The following TNKS variants were observed in gnomAD, a reference collection of about 807,000 sequenced individuals.
TNKS encodes poly [ADP-ribose] polymerase tankyrase-1.
Under a neutral mutation model 135.8 loss-of-function variants are expected in TNKS, and 72 were observed. The observed-to-expected ratio is 0.53, with a 90% CI of 0.44 to 0.64. TNKS has a LOEUF of 0.64. Ranked by LOEUF, TNKS falls within the 30% of genes least tolerant of loss-of-function variation. The probability of loss-of-function intolerance (pLI) is 0.00; values close to 1 mark genes in which losing one functional copy is unlikely to be tolerated. For synonymous variants in TNKS, 849 were observed against 649.3 expected, an observed-to-expected ratio of 1.31 and a Z score of -4.68; for missense variants, 1,769 against 1,674.0, an observed-to-expected ratio of 1.06 and a Z score of -0.99.
chr8:9,656,401 T>C (rs2128784179), intron 3 of TNKS, among the ~76,000 whole-genome samples: 1 of 152,132 alleles, frequency 6.6e-6, no homozygotes, highest in South Asian at 2.1e-4. Flanking sequence ...TCCACAAAGA[T>C]ACTCCTCGAG....
chr8:9,675,930 C>G (rs1802512698), intron 3 of TNKS, among the ~76,000 whole-genome samples: 1 of 151,736 alleles, frequency 6.6e-6, no homozygotes, highest in Non-Finnish European at 1.5e-5. Context: ...AATGACATTC[C>G]TCTACTTTTA....
chr8:9,698,232 A>G (rs1045643136), intron 5 of TNKS, among the ~76,000 whole-genome samples: 54 of 152,284 alleles, frequency 3.5e-4, no homozygotes, highest in Admixed American at 9.2e-4. Flanking sequence ...TGGGAACAGT[A>G]GACATTGCAG....
At chr8:9,639,970 T>TA (rs1299112075) in intron 3 of TNKS, among the ~76,000 whole-genome samples, 1 of 152,222 alleles carries the variant, frequency 6.6e-6, no homozygotes, top group Non-Finnish European at 1.5e-5. Flanking sequence ...CAACGAAGGA[T>TA]AATTGTAGAA....
intron 2 of TNKS, among the ~76,000 whole-genome samples, chr8:9,583,282 TTGA>T (rs1798240657): frequency 6.6e-6 from 1 of 152,056 alleles, no homozygotes; most frequent in African/African-American, 2.4e-5. Flanking sequence ...AAAAATCAAC[TTGA>T]AATGCTTGTA....
chr8:9,609,579 A>G (rs1425157238), intron 2 of TNKS, among the ~76,000 whole-genome samples: 2 of 152,206 alleles, frequency 1.3e-5, no homozygotes, highest in East Asian at 1.9e-4. Flanking sequence ...CTTCAGAACA[A>G]TGACAGCTTC....
chr8:9,643,472 G>T (rs1800796008), intron 3 of TNKS, among the ~76,000 whole-genome samples: 1 of 151,712 alleles, frequency 6.6e-6, no homozygotes, highest in Non-Finnish European at 1.5e-5. Flanking sequence ...TGAGGGTGGA[G>T]CCCTCAGGAC....
intron 26 of TNKS, among the ~76,000 whole-genome samples, chr8:9,771,314 GA>G: frequency 2.3e-5 from 3 of 131,426 alleles, no homozygotes; most frequent in African/African-American, 9.3e-5. Flanking sequence ...AAGGAAGGAA[GA>G]GAGAAGAAAG....
chr8:9,663,776 G>C (rs1302933079), intron 3 of TNKS, among the ~76,000 whole-genome samples: 1 of 152,178 alleles, frequency 6.6e-6, no homozygotes, highest in Non-Finnish European at 1.5e-5. Flanking sequence ...CAGATGAATG[G>C]CCAGATGAGG....
At chr8:9,762,021 T>C (rs1461825526) in intron 21 of TNKS, among the ~76,000 whole-genome samples, 1 of 152,262 alleles carries the variant, frequency 6.6e-6, no homozygotes, top group Non-Finnish European at 1.5e-5. Flanking sequence ...CTTTTCAAAA[T>C]GATTATATGA....
chr8:9,762,836 C>T (rs1227934343), intron 21 of TNKS, among the ~76,000 whole-genome samples: 2 of 149,944 alleles, frequency 1.3e-5, no homozygotes, highest in Admixed American at 1.3e-4. Context: ...ACCCGGGAGG[C>T]GGAGCTTGCA....
chr8:9,684,176 T>C (rs1802895132), intron 5 of TNKS, among the ~76,000 whole-genome samples: 1 of 151,968 alleles, frequency 6.6e-6, no homozygotes, highest in South Asian at 2.1e-4. Context: ...AACCTGAAAA[T>C]AGGTTGTTGC....
intron 2 of TNKS, among the ~76,000 whole-genome samples, chr8:9,594,705 T>A (rs35178076): frequency 3.3e-4 from 51 of 152,360 alleles, no homozygotes; most frequent in Non-Finnish European, 4.7e-4. Flanking sequence ...CATCATTTTT[T>A]AAAATCAGTC....
At chr8:9,736,185 T>A (rs187179369) in intron 17 of TNKS, among the ~76,000 whole-genome samples, 81 of 151,418 alleles carry the variant, frequency 5.3e-4, no homozygotes, top group Non-Finnish European at 8.7e-4. Context: ...TATACAGGCA[T>A]GGAAAGTATG....
intron 5 of TNKS, among the ~76,000 whole-genome samples, chr8:9,684,177 AG>A (rs548298368): frequency 7.9e-5 from 12 of 152,024 alleles, no homozygotes; most frequent in Middle Eastern, 3.2e-3. Context: ...ACCTGAAAAT[AG>A]GTTGTTGCCT....
intron 2 of TNKS, among the ~76,000 whole-genome samples, chr8:9,601,486 C>G (rs1799014238): frequency 6.6e-6 from 1 of 152,152 alleles, no homozygotes; most frequent in Non-Finnish European, 1.5e-5. Context: ...CTGAGCCAAG[C>G]TGGACCAAAT....
At chr8:9,630,926 T>A (rs28408695) in intron 3 of TNKS, among the ~76,000 whole-genome samples, 1,745 of 152,356 alleles carry the variant, frequency 0.011, 26 homozygotes, top group African/African-American at 0.04. Flanking sequence ...ATATCTAATG[T>A]AAAGCCTCCT....
In TNKS at chr8:9,556,243, G is replaced by T; in HGVS notation, c.304G>T (p.Ala102Ser). 1 of 1,614,202 alleles carries T rather than the reference G, an allele frequency of 6.2e-7. No homozygotes were observed. The highest frequency in any genetic ancestry group is 8.5e-7 in the Non-Finnish European group (1 of 1,180,034). The change falls in exon 1 of 27, where the codon GCT (alanine) becomes TCT (serine). Residue 102 changes from alanine to serine, a missense_variant. By Grantham distance (99) the Ala-to-Ser change is moderately conservative (BLOSUM62 1). Around this residue, in one of 5 missense-constraint regions of TNKS, gnomAD observed 450 missense variants for 304.9 expected, o/e 1.48. Transcript: ENST00000310430. ...TTSTICTVAA[A>S]PVVPAVSTSS... The stretch of plus-strand genomic sequence containing the variant: ...CAGCACAATCTGTACCGTCGCCGCC[G>T]CTCCCGTGGTCCCAGCGGTTTCTAC...
At chr8:9,647,201 G>T (rs140613233) in intron 3 of TNKS, among the ~76,000 whole-genome samples, 3 of 152,120 alleles carry the variant, frequency 2.0e-5, no homozygotes, top group Admixed American at 2.0e-4. Flanking sequence ...TCTACCCTCA[G>T]TCTAGACAAT....
chr8:9,624,364 C>T (rs1160535877), intron 3 of TNKS, among the ~76,000 whole-genome samples: 4 of 152,164 alleles, frequency 2.6e-5, no homozygotes, highest in African/African-American at 7.2e-5. Flanking sequence ...CATTAGAATT[C>T]ATTAATGCTT....
Sources: allele counts gnomAD v4.1 joint callset (sites outside exome capture counted in the v4.1 genomes callset), GRCh38; gene constraint gnomAD v4.1.1; regional missense constraint gnomAD v4.1.1; transcripts MANE v1.5; gene names NCBI Gene and HGNC (gene_info 2026-07-23, HGNC 2026-07-21).